PDE1A: variants seen among roughly 807,000 people sequenced by gnomAD.
PDE1A encodes the protein phosphodiesterase 1A.
A neutral mutation model predicts 61.7 loss-of-function variants in PDE1A; 35 were observed. That is an observed-to-expected ratio of 0.57 (90% confidence interval 0.43 to 0.75). PDE1A has a LOEUF of 0.75. Ranked by LOEUF, PDE1A falls within the 30% of genes least tolerant of loss-of-function variation. The pLI, the probability that PDE1A is intolerant of heterozygous loss-of-function variation, is 0.00. For missense variants in PDE1A, 597 were observed against 630.6 expected (o/e 0.95, Z 0.57); for synonymous variants, 232 against 213.2 (o/e 1.09, Z -0.77).
chr2:182,191,716 T>G (rs952461923), intron 10 of PDE1A, among the ~76,000 whole-genome samples: 2 of 117,334 alleles, frequency 1.7e-5, no homozygotes, highest in Non-Finnish European at 1.8e-5. Flanking sequence ...TTTTTTTTTT[T>G]GTCAAGATGC....
the PDE1A span, among the ~76,000 whole-genome samples, chr2:182,696,624 A>G: frequency 6.6e-6 from 1 of 152,220 alleles, no homozygotes; most frequent in Admixed American, 6.5e-5. Context: ...GGCTTTGGGT[A>G]GTAATGATAT....
chr2:182,148,291 G>A (rs1420480777), intron 13 of PDE1A, among the ~76,000 whole-genome samples: 1 of 152,114 alleles, frequency 6.6e-6, no homozygotes, highest in African/African-American at 2.4e-5. Context: ...GGGGGGTGGG[G>A]TGTGTATGGT....
chr2:182,397,897 A>G (rs897848574), intron 1 of PDE1A, among the ~76,000 whole-genome samples: 1 of 152,094 alleles, frequency 6.6e-6, no homozygotes, highest in African/African-American at 2.4e-5. Context: ...CGCACTTACA[A>G]TTTATTTGGG....
chr2:182,406,648 G>A (rs1028498457), intron 1 of PDE1A, among the ~76,000 whole-genome samples: 1 of 151,846 alleles, frequency 6.6e-6, no homozygotes, highest in African/African-American at 2.4e-5. Flanking sequence ...CCTTTTTTAT[G>A]TATAAAAAAT....
rs570719155 is a variant in PDE1A, at chr2:182,264,646, C to T, written c.54-232G>A. Among the ~76,000 whole-genome samples the T allele has an allele frequency of 9.3e-5, 14 of 150,920 alleles. No homozygotes were observed. In the East Asian group the frequency reaches 2.7e-3, roughly 30 times the overall value. On this transcript the variant is annotated intron_variant, in intron 1 of 13. Coordinates refer to ENST00000351439, the Ensembl canonical transcript of PDE1A. ...GCAATAATATTAGGAGTATGGGTAGCTAGTTTAAGTATAATATTTCAGAGA... is the reference window on the plus strand; with the variant it reads ...GCAATAATATTAGGAGTATGGGTAGTTAGTTTAAGTATAATATTTCAGAGA...
At chr2:182,547,208 T>A in the PDE1A span, among the ~76,000 whole-genome samples, 29 of 152,322 alleles carry the variant, frequency 1.9e-4, no homozygotes, top group East Asian at 5.2e-3. Context: ...CATTTGCACA[T>A]CCTGGGTGCT....
At chr2:182,655,079 C>A in the PDE1A span, among the ~76,000 whole-genome samples, 1 of 152,250 alleles carries the variant, frequency 6.6e-6, no homozygotes, top group African/African-American at 2.4e-5. Flanking sequence ...TCAACCATAG[C>A]GTAAAGAGGA....
the PDE1A span, among the ~76,000 whole-genome samples, chr2:182,602,992 C>CACACACACACATACATACAT: frequency 1.5e-3 from 201 of 130,484 alleles, 1 homozygote; most frequent in African/African-American, 5.4e-3. Context: ...CACACACACA[C>CACACACACACATACATACAT]ACATACATAC....
intron 10 of PDE1A, among the ~76,000 whole-genome samples, chr2:182,192,451 G>GT (rs2125427027): frequency 6.6e-6 from 1 of 152,132 alleles, no homozygotes; most frequent in Non-Finnish European, 1.5e-5. Flanking sequence ...GGCCCTGTAG[G>GT]TAAACTATGA....
At chr2:182,396,522 G>A (rs1701714883) in intron 1 of PDE1A, among the ~76,000 whole-genome samples, 1 of 152,186 alleles carries the variant, frequency 6.6e-6, no homozygotes, top group Non-Finnish European at 1.5e-5. Flanking sequence ...AATGAGAACT[G>A]TAATTGTCAT....
rs183912845 is a variant in PDE1A, at chr2:182,404,224, C to A, written c.53+22354G>T. Among the ~76,000 whole-genome samples the A allele has an allele frequency of 1.1e-3, 163 of 152,170 alleles. 1 individual carries two copies. The highest frequency in any genetic ancestry group is 3.6e-3 in the African/African-American group (148 of 41,520). On this transcript the variant is annotated intron_variant, in intron 1 of 13. Coordinates refer to ENST00000351439, the Ensembl canonical transcript of PDE1A. ...CTCTTGGATATCCTCTGCCAATTAG[C>A]CAAGGAGCAGAGAAGAGCAAAGGTG...
At chr2:182,197,462 G>T (rs1464114924) in intron 10 of PDE1A, among the ~76,000 whole-genome samples, 1 of 148,894 alleles carries the variant, frequency 6.7e-6, no homozygotes, top group African/African-American at 2.5e-5. Context: ...TCTTCTCTAA[G>T]AAATATTTAC....
the PDE1A span, among the ~76,000 whole-genome samples, chr2:182,620,155 A>C: frequency 2.0e-5 from 3 of 151,176 alleles, no homozygotes; most frequent in Middle Eastern, 6.8e-3. Flanking sequence ...AAAATAAAGA[A>C]GTTATTAACT....
At chr2:182,580,409 G>A in the PDE1A span, among the ~76,000 whole-genome samples, 3 of 152,114 alleles carry the variant, frequency 2.0e-5, no homozygotes, top group Non-Finnish European at 4.4e-5. Context: ...CGGTCTGCCT[G>A]CTGTGCCCGT....
chr2:182,301,958 G>A (rs145150746), intron 1 of PDE1A, among the ~76,000 whole-genome samples: 10 of 152,272 alleles, frequency 6.6e-5, no homozygotes, highest in Non-Finnish European at 1.2e-4. Context: ...ATAGTTTTAG[G>A]ATTAATTGCA....
Position 182,223,835 on chromosome 2 carries a change from A to G in PDE1A, c.776+29T>C, listed in dbSNP as rs768786777. On this transcript the variant is annotated intron_variant, in intron 7 of 13. Transcript: ENST00000351439. ...GAAAAATAAATTTCAAATTTTAACT[A>G]ATGAAAGTTAATACTTTTTCAGACT... 5.5e-6 allele frequency: 7 copies of G among 1,263,210 alleles called. No homozygotes were observed. The East Asian group carries it at 1.8e-4, about 32-fold the overall frequency. 78.3% of individuals were successfully genotyped at this position (1,263,210 alleles called of 1,614,324 possible).
chr2:182,220,635 G>A (rs1268618860), intron 7 of PDE1A, among the ~76,000 whole-genome samples: 3 of 151,938 alleles, frequency 2.0e-5, no homozygotes, highest in Non-Finnish European at 4.4e-5. Flanking sequence ...TTCACAAAGA[G>A]GAAATTATTT....
intron 2 of PDE1A, among the ~76,000 whole-genome samples, chr2:182,483,163 G>A (rs13394418): frequency 0.018 from 2,682 of 151,924 alleles, 81 homozygotes; most frequent in African/African-American, 0.061. Flanking sequence ...CTTACACACA[G>A]AGACAGAAAA....
the PDE1A span, among the ~76,000 whole-genome samples, chr2:182,663,483 T>C: frequency 2.0e-5 from 3 of 152,210 alleles, no homozygotes; most frequent in African/African-American, 7.2e-5. Context: ...TACAGAATAC[T>C]ATGCAGTCAT....
Sources: allele counts gnomAD v4.1 joint callset (sites outside exome capture counted in the v4.1 genomes callset), GRCh38; gene constraint gnomAD v4.1.1; transcripts MANE v1.5; gene names NCBI Gene and HGNC (gene_info 2026-07-23, HGNC 2026-07-21).